DPP10: variants seen among roughly 807,000 people sequenced by gnomAD.
The protein encoded by DPP10 is dipeptidyl peptidase like 10.
DPP10 carries 33 observed loss-of-function variants against 120.9 expected under a neutral mutation model. The ratio of observed to expected loss-of-function variants is 0.27; its 90% confidence interval spans 0.21 to 0.37. The LOEUF (loss-of-function observed/expected upper bound fraction) is 0.37, where lower values mean the gene tolerates loss of function less well. Among genes scored for constraint, DPP10 ranks in the 10% least tolerant of loss-of-function variants. DPP10 has a pLI of 1.00. For synonymous variants in DPP10, 337 were observed against 326.1 expected (o/e 1.03, Z -0.36); for missense variants, 816 against 942.8 (o/e 0.87, Z 1.76).
intron 5 of DPP10, among the ~76,000 whole-genome samples, chr2:115,680,186 TA>T (rs2090552766): frequency 1.3e-5 from 2 of 151,944 alleles, no homozygotes; most frequent in Non-Finnish European, 2.9e-5. Context: ...GATCTCTAAG[TA>T]AAAAGTTTTA....
intron 1 of DPP10, among the ~76,000 whole-genome samples, chr2:114,884,328 T>C (rs1475838781): frequency 2.0e-5 from 3 of 152,206 alleles, no homozygotes; most frequent in Non-Finnish European, 4.4e-5. Context: ...CAGTTCCAAG[T>C]GTTAGAAGTC....
intron 3 of DPP10, among the ~76,000 whole-genome samples, chr2:115,370,884 C>G (rs2065365164): frequency 6.6e-6 from 1 of 152,034 alleles, no homozygotes; most frequent in South Asian, 2.1e-4. Flanking sequence ...AGAACTAACT[C>G]AGAGAATCAC....
rs140898800 is a variant in DPP10, at chr2:114,881,457, G to GTCTGTCTATCTATCTA, written c.61-427779_61-427778insGTCTATCTATCTATCT. ...TCTTTACCTATCTGTCTGTCTGTCTGTCTATCTATCTATCTATCTATCTAT... is the reference window on the plus strand; with the variant it reads ...TCTTTACCTATCTGTCTGTCTGTCTGTCTGTCTATCTATCTATCTATCTATCTATCTATCTATCTAT... On this transcript the variant is annotated intron_variant, in intron 1 of 25. Transcript: ENST00000410059. Among the ~76,000 whole-genome samples the GTCTGTCTATCTATCTA allele has an allele frequency of 4.0e-3, 583 of 144,336 alleles. 3 individuals are homozygous for GTCTGTCTATCTATCTA. Among genetic ancestry groups the GTCTGTCTATCTATCTA allele is most frequent in the African/African-American group, 0.01 (386 of 37,962 alleles). 94.7% of individuals were successfully genotyped at this position (144,336 alleles called of 152,430 possible). A position where few individuals can be genotyped will look rare whatever the true frequency, so the allele number is the denominator to read the frequency against.
chr2:114,583,058 C>A (rs1266182906), intron 1 of DPP10, among the ~76,000 whole-genome samples: 2 of 152,182 alleles, frequency 1.3e-5, no homozygotes, highest in African/African-American at 4.8e-5. Flanking sequence ...AGAACACTTG[C>A]TCTGCTTAGT....
intron 1 of DPP10, among the ~76,000 whole-genome samples, chr2:115,307,268 T>C (rs2061395144): frequency 6.6e-6 from 1 of 152,104 alleles, no homozygotes; most frequent in Non-Finnish European, 1.5e-5. Flanking sequence ...TACATGGTTT[T>C]ATCATATTCA....
chr2:115,790,358 C>T (rs972361447), intron 17 of DPP10, among the ~76,000 whole-genome samples: 1 of 152,046 alleles, frequency 6.6e-6, no homozygotes, highest in East Asian at 1.9e-4. Context: ...GGATTACAGG[C>T]GTGAGCCACC....
chr2:115,091,658 T>G (rs1280908107), intron 1 of DPP10, among the ~76,000 whole-genome samples: 3 of 152,180 alleles, frequency 2.0e-5, no homozygotes, highest in Non-Finnish European at 4.4e-5. Context: ...GAAATTTGTT[T>G]GAAGAATGAT....
chr2:115,588,115 A>G (rs189093939), intron 5 of DPP10, among the ~76,000 whole-genome samples: 157 of 152,306 alleles, frequency 1.0e-3, no homozygotes, highest in African/African-American at 3.7e-3. Flanking sequence ...AGGTAGGTGT[A>G]TAAAGAAAAT....
intron 5 of DPP10, among the ~76,000 whole-genome samples, chr2:115,648,557 G>T (rs1045338401): frequency 2.6e-5 from 4 of 151,300 alleles, no homozygotes; most frequent in African/African-American, 9.7e-5. Flanking sequence ...AACCACCATG[G>T]CACATGTTTA....
intron 1 of DPP10, among the ~76,000 whole-genome samples, chr2:114,639,061 C>G (rs556107033): frequency 2.0e-5 from 3 of 151,924 alleles, no homozygotes; most frequent in African/African-American, 7.3e-5. Context: ...CGTGTTCTCA[C>G]TTATAGTGTA....
At chr2:115,384,699 GAAAGA>G (rs1007572758) in intron 3 of DPP10, among the ~76,000 whole-genome samples, 6 of 133,156 alleles carry the variant, frequency 4.5e-5, no homozygotes, top group Non-Finnish European at 7.7e-5. Context: ...AGAAGAAAAA[GAAAGA>G]AGAAAGAAGA....
At chr2:115,699,036 C>CAAAA (rs1191197397) in intron 7 of DPP10, among the ~76,000 whole-genome samples, 1 of 50,786 alleles carries the variant, frequency 2.0e-5, no homozygotes, top group Non-Finnish European at 3.8e-5. Flanking sequence ...AAAAAAAAAA[C>CAAAA]AAAAAAAAAA....
chr2:115,387,797 G>A (rs950431884), intron 3 of DPP10, among the ~76,000 whole-genome samples: 3 of 152,126 alleles, frequency 2.0e-5, no homozygotes, highest in African/African-American at 4.8e-5. Flanking sequence ...TAAATATGAT[G>A]AGCTAATGAA....
intron 1 of DPP10, among the ~76,000 whole-genome samples, chr2:114,967,075 C>T (rs1699087588): frequency 6.6e-6 from 1 of 151,904 alleles, no homozygotes. Context: ...AAAAAAGAGA[C>T]AAGAGAGAAA....
intron 1 of DPP10, among the ~76,000 whole-genome samples, chr2:115,172,520 A>G (rs1474977462): frequency 6.6e-6 from 1 of 152,172 alleles, no homozygotes; most frequent in Non-Finnish European, 1.5e-5. Flanking sequence ...AATTTTTCAG[A>G]CACATGTAAT....
At chr2:115,178,569 TA>T (rs2053863324) in intron 1 of DPP10, among the ~76,000 whole-genome samples, 1 of 152,082 alleles carries the variant, frequency 6.6e-6, no homozygotes, top group South Asian at 2.1e-4. Context: ...ATAAAGAAAA[TA>T]AATTGATGGT....
chr2:115,642,792 TA>T (rs573564989), intron 5 of DPP10, among the ~76,000 whole-genome samples: 1 of 152,052 alleles, frequency 6.6e-6, no homozygotes, highest in Non-Finnish European at 1.5e-5. Context: ...AGCATTCTGA[TA>T]CAGACACATT....
At chr2:115,587,623 C>G (rs1247705146) in intron 5 of DPP10, among the ~76,000 whole-genome samples, 1 of 151,914 alleles carries the variant, frequency 6.6e-6, no homozygotes, top group Non-Finnish European at 1.5e-5. Flanking sequence ...TAATAATAGC[C>G]AAGATATAGA....
intron 1 of DPP10, among the ~76,000 whole-genome samples, chr2:115,192,479 G>A (rs964271386): frequency 7.4e-4 from 113 of 152,324 alleles, no homozygotes; most frequent in Non-Finnish European, 1.4e-3. Flanking sequence ...GGCCCCCAGT[G>A]GGTCCCTTGA....
Sources: gnomAD v4.1 joint callset for allele counts (sites outside exome capture counted in the v4.1 genomes callset) on GRCh38, gnomAD v4.1.1 for gene constraint, MANE v1.5 for transcripts, NCBI Gene and HGNC (gene_info 2026-07-23, HGNC 2026-07-21) for gene names.